Variants in KIAA1217 observed in about 807,000 individuals in gnomAD.
KIAA1217 encodes the protein sickle tail protein homolog.
Under a neutral mutation model 163.9 loss-of-function variants are expected in KIAA1217, and 88 were observed. That is an observed-to-expected ratio of 0.54 (90% CI 0.45 to 0.64). The LOEUF (loss-of-function observed/expected upper bound fraction) is 0.64. Ranked by LOEUF, KIAA1217 falls within the 30% of genes least tolerant of loss-of-function variation. The probability of loss-of-function intolerance (pLI) is 0.00; values close to 1 mark genes in which losing one functional copy is unlikely to be tolerated. For missense variants in KIAA1217, 2,372 were observed against 2,475.0 expected, an observed-to-expected ratio of 0.96 and a Z score of 0.88; for synonymous variants, 903 against 923.1, an observed-to-expected ratio of 0.98 and a Z score of 0.39.
At chr10:24,260,219 G>A (rs2075585523) in intron 2 of KIAA1217, among the ~76,000 whole-genome samples, 1 of 152,132 alleles carries the variant, frequency 6.6e-6, no homozygotes, top group Non-Finnish European at 1.5e-5. Flanking sequence ...GAGAGTCAGA[G>A]CTCTTTGAAG....
chr10:24,523,633 CA>C (rs2071639079), intron 12 of KIAA1217, among the ~76,000 whole-genome samples: 1 of 152,110 alleles, frequency 6.6e-6, no homozygotes, highest in Admixed American at 6.5e-5. Context: ...TCATTATCAT[CA>C]CCATCGTCAT....
rs553944556 is a variant in KIAA1217 at position 23,780,159 on chromosome 10, A to G, written c.-321+84925A>G. Among the ~76,000 whole-genome samples the G allele has an allele frequency of 4.6e-5, 7 of 152,312 alleles. No homozygotes were observed. In the South Asian group the frequency reaches 1.4e-3, roughly 32 times the overall value. ...AGTTTTTGTTTTGTTTTTATTGTAC[A>G]TATTTAAGGTAGACAACATGATGTT... On this transcript the variant is annotated intron_variant, in intron 1 of 18. Transcript: ENST00000376462.
At chr10:24,197,955 C>A (rs2067069121) in intron 2 of KIAA1217, among the ~76,000 whole-genome samples, 1 of 152,260 alleles carries the variant, frequency 6.6e-6, no homozygotes, top group Non-Finnish European at 1.5e-5. Flanking sequence ...CATCCACCAT[C>A]ATTCCATCAT....
At chr10:23,794,906 T>C (rs1486064278) in intron 1 of KIAA1217, among the ~76,000 whole-genome samples, 2 of 152,254 alleles carry the variant, frequency 1.3e-5, no homozygotes, top group African/African-American at 4.8e-5. Flanking sequence ...GGTGAGCTAC[T>C]TACTCTTTGA....
rs543415854 is a variant in KIAA1217 at position 24,151,322 on chromosome 10, G to C, written c.-170-68304G>C. Among the ~76,000 whole-genome samples the C allele has an allele frequency of 3.3e-5, 5 of 151,580 alleles. No individual in the cohort carries two copies. The East Asian group carries it at 9.8e-4, about 30-fold the overall frequency. Reference sequence around the variant, plus strand: ...TCTTTATTTTAAAAATTTAGAGTTAGCAACATTCATGATTAAGGATAAGGA... The same window carrying C: ...TCTTTATTTTAAAAATTTAGAGTTACCAACATTCATGATTAAGGATAAGGA... On this transcript the variant is annotated intron_variant, in intron 2 of 18. Transcript: ENST00000376462.
chr10:24,177,365 A>G (rs1589789150), intron 2 of KIAA1217, among the ~76,000 whole-genome samples: 1 of 144,278 alleles, frequency 6.9e-6, no homozygotes, highest in African/African-American at 2.6e-5. Flanking sequence ...ATATGTGTAT[A>G]TATATATATA....
chr10:24,164,781 G>A (rs149241343), intron 2 of KIAA1217, among the ~76,000 whole-genome samples: 1 of 152,176 alleles, frequency 6.6e-6, no homozygotes, highest in Non-Finnish European at 1.5e-5. Flanking sequence ...AGGGATTCTA[G>A]GTGGAAAGGC....
intron 2 of KIAA1217, among the ~76,000 whole-genome samples, chr10:24,280,594 G>A (rs540084605): frequency 1.3e-5 from 2 of 152,140 alleles, no homozygotes; most frequent in South Asian, 2.1e-4. Flanking sequence ...GGTGGATTGC[G>A]AGGTCAGGAG....
intron 2 of KIAA1217, among the ~76,000 whole-genome samples, chr10:24,197,291 A>G (rs1478215507): frequency 6.6e-6 from 1 of 152,240 alleles, no homozygotes; most frequent in African/African-American, 2.4e-5. Flanking sequence ...AGAGTTGCAT[A>G]TGGTACAAAA....
intron 2 of KIAA1217, among the ~76,000 whole-genome samples, chr10:24,011,695 T>G (rs1008253234): frequency 2.0e-5 from 3 of 152,144 alleles, no homozygotes; most frequent in African/African-American, 7.2e-5. Flanking sequence ...CTTAAGAAAT[T>G]TAAAAGTCAT....
Position 24,351,260 on chromosome 10 carries a change from T to A in KIAA1217, c.355-29609T>A, listed in dbSNP as rs2048426231. Among the ~76,000 whole-genome samples, 3 of 152,176 alleles carry A rather than the reference T, an allele frequency of 2.0e-5. No individual in the cohort carries two copies. In the South Asian group the frequency reaches 6.2e-4, roughly 32 times the overall value. The stretch of plus-strand genomic sequence containing the variant: ...ACCATGCCTGGCCAGTGATTATGCG[T>A]CTTGTAAACGAATTTTTGGGGTCTA... On this transcript the variant is annotated intron_variant, in intron 2 of 20. Coordinates refer to ENST00000376454, the MANE Select transcript of KIAA1217 (RefSeq NM_019590.5).
intron 1 of KIAA1217, among the ~76,000 whole-genome samples, chr10:23,894,582 T>C (rs1209028953): frequency 6.7e-6 from 1 of 150,186 alleles, no homozygotes; most frequent in Admixed American, 6.7e-5. Context: ...AATGGATAGA[T>C]TCAATGCCAT....
intron 2 of KIAA1217, among the ~76,000 whole-genome samples, chr10:24,167,189 C>A (rs1014828425): frequency 4.4e-5 from 3 of 68,428 alleles, no homozygotes; most frequent in Admixed American, 1.3e-4. Flanking sequence ...TTTAGGTTCT[C>A]TCCTTTTCAA....
chr10:24,414,801 G>A (rs16924736), intron 3 of KIAA1217, among the ~76,000 whole-genome samples: 2,634 of 152,276 alleles, frequency 0.017, 65 homozygotes, highest in African/African-American at 0.06. Context: ...GTGTGATCTT[G>A]TGGTTGAGAA....
intron 1 of KIAA1217, among the ~76,000 whole-genome samples, chr10:23,763,221 CA>C (rs1214265954): frequency 6.6e-6 from 1 of 152,162 alleles, no homozygotes; most frequent in Non-Finnish European, 1.5e-5. Flanking sequence ...CTGTTTCCAT[CA>C]AACTACCATT....
chr10:23,971,863 T>C (rs1845331071), intron 1 of KIAA1217, among the ~76,000 whole-genome samples: 1 of 152,162 alleles, frequency 6.6e-6, no homozygotes, highest in African/African-American at 2.4e-5. Flanking sequence ...ACCTGGAGGC[T>C]TCATCTGCAT....
At chr10:24,034,743 C>T (rs557952976) in intron 2 of KIAA1217, among the ~76,000 whole-genome samples, 15 of 152,252 alleles carry the variant, frequency 9.9e-5, no homozygotes, top group Non-Finnish European at 1.6e-4. Flanking sequence ...CATCCTGGAG[C>T]GTGTTTCCCC....
intron 6 of KIAA1217, among the ~76,000 whole-genome samples, chr10:24,477,703 C>T (rs1171071616): frequency 6.6e-6 from 1 of 152,146 alleles, no homozygotes; most frequent in Non-Finnish European, 1.5e-5. Flanking sequence ...AGTATATTAG[C>T]ACAATTATGC....
chr10:24,013,380 A>G (rs569685386), intron 2 of KIAA1217, among the ~76,000 whole-genome samples: 39 of 151,948 alleles, frequency 2.6e-4, no homozygotes, highest in Non-Finnish European at 4.4e-4. Flanking sequence ...TTAATTATAT[A>G]TTAAATAAGG....
Sources: gnomAD v4.1 joint callset for allele counts (sites outside exome capture counted in the v4.1 genomes callset) on GRCh38, gnomAD v4.1.1 for gene constraint, MANE v1.5 for transcripts, NCBI Gene and HGNC (gene_info 2026-07-23, HGNC 2026-07-21) for gene names.